The following LATS2 variants were observed in gnomAD, a reference collection of about 807,000 sequenced individuals.
LATS2 encodes the protein large tumor suppressor kinase 2.
LATS2 carries 24 observed loss-of-function variants against 76.0 expected under a neutral mutation model. The ratio of observed to expected loss-of-function variants is 0.32; its 90% CI spans 0.23 to 0.44. LATS2 has a LOEUF of 0.44. LATS2 is among the 20% of genes least tolerant of loss of function. The pLI is 1.00. For missense variants in LATS2, 1,286 were observed against 1,481.2 expected, an observed-to-expected ratio of 0.87 and a Z score of 2.16; for synonymous variants, 692 against 635.4, an observed-to-expected ratio of 1.09 and a Z score of -1.34.
intron 2 of LATS2, among the ~76,000 whole-genome samples, chr13:21,015,175 G>A (rs540559024): frequency 6.6e-6 from 1 of 152,320 alleles, no homozygotes; most frequent in East Asian, 1.9e-4. Context: ...CTATTGAAAT[G>A]AGCTATCCTG....
In LATS2 at chr13:20,983,355, T is replaced by C. The variant is rs1401299592; in HGVS notation, c.2351A>G (p.Lys784Arg). ...GATGTCTCGGTGGATGAAGCCCATC[T>C]TGTGGACACTCTCAATGGCCAAAGT... ...ELTLAIESVHKMGFIHRDIKP... is the reference protein window; with the variant it reads ...ELTLAIESVHRMGFIHRDIKP... The change falls in exon 5 of 8, where the codon AAG becomes AGG. Residue 784 changes from lysine (K) to arginine (R), a missense_variant. Transcript: ENST00000382592. 2.5e-6 allele frequency: 4 copies of C among 1,613,546 alleles called. No homozygotes were observed. The South Asian group carries it at 3.3e-5, about 13-fold the overall frequency.
chr13:21,011,656 G>T (rs573383726), intron 2 of LATS2, among the ~76,000 whole-genome samples: 166 of 152,312 alleles, frequency 1.1e-3, no homozygotes, highest in Middle Eastern at 6.8e-3. Flanking sequence ...CCTGACTCTG[G>T]AAAATATAGG....
chr13:21,049,516 G>A (rs1437288625), intron 1 of LATS2, among the ~76,000 whole-genome samples: 1 of 152,208 alleles, frequency 6.6e-6, no homozygotes, highest in Non-Finnish European at 1.5e-5. Flanking sequence ...GTGAGTGGAT[G>A]GCTGAGGCCC....
intron 2 of LATS2, among the ~76,000 whole-genome samples, chr13:21,016,656 A>G (rs1012969597): frequency 6.6e-6 from 1 of 152,076 alleles, no homozygotes; most frequent in African/African-American, 2.4e-5. Flanking sequence ...ACCCCAGCCA[A>G]CCCCCAGGAA....
intron 2 of LATS2, among the ~76,000 whole-genome samples, chr13:21,040,800 C>T (rs1332412031): frequency 6.6e-6 from 1 of 152,062 alleles, no homozygotes; most frequent in African/African-American, 2.4e-5. Flanking sequence ...GAGAGGGACC[C>T]TGATAAACTC....
rs763779658 is a variant in LATS2 at position 20,988,331 on chromosome 13, G to A, written c.1449C>T (p.Gly483=). Residue 483 remains glycine (G), a synonymous_variant, in exon 4 of 8, where the codon GGC becomes GGT. Transcript: ENST00000382592. ...PAPAPAPAAE[G]LDAKEEHALA... ...GGGCATGCTCCTCCTTGGCGTCCAA[G>A]CCCTCCGCAGCCGGGGCGGGGGCGG... The A allele has an allele frequency of 2.0e-5, 27 of 1,366,672 alleles. No individual in the cohort carries two copies. The highest frequency in any genetic ancestry group is 8.9e-5 in the African/African-American group (6 of 67,342). The allele number at this position is 1,366,672 out of a possible 1,614,324, so 84.7% of individuals were successfully genotyped here.
intron 1 of LATS2, among the ~76,000 whole-genome samples, chr13:21,059,896 C>G (rs1307737558): frequency 6.8e-6 from 1 of 146,748 alleles, no homozygotes; most frequent in Non-Finnish European, 1.5e-5. Flanking sequence ...ACCTGGGAGA[C>G]GGAGGTTGCA....
intron 4 of LATS2, among the ~76,000 whole-genome samples, chr13:20,985,050 A>G (rs1340366087): frequency 6.6e-6 from 1 of 152,196 alleles, no homozygotes; most frequent in Non-Finnish European, 1.5e-5. Flanking sequence ...ATGTACACTG[A>G]AAAAGAGACA....
At chr13:21,025,166 G>C (rs1872259834) in intron 2 of LATS2, among the ~76,000 whole-genome samples, 1 of 150,962 alleles carries the variant, frequency 6.6e-6, no homozygotes, top group Non-Finnish European at 1.5e-5. Context: ...GCTCACCTGA[G>C]GTCAGGAGCT....
chr13:20,991,131 C>G lies in LATS2; in HGVS notation c.475+141G>C, dbSNP rs1250080266. 1 of 1,087,198 alleles carries G rather than the reference C, an allele frequency of 9.2e-7. No individual in the cohort carries two copies. The highest frequency in any genetic ancestry group is 1.3e-6 in the Non-Finnish European group (1 of 741,638). 67.3% of individuals were successfully genotyped at this position (1,087,198 alleles called of 1,614,324 possible). On this transcript the variant is annotated intron_variant, in intron 3 of 7. Coordinates refer to ENST00000382592, the MANE Select transcript of LATS2 (RefSeq NM_014572.3). This position sits in a 1 kb window ranked among gnomAD's most constrained non-coding sequence, Gnocchi z 4.9. Reference sequence around the variant, plus strand: ...CTCTGTCAGGGCAGGGCAGGCTCAGCTTGCCTGTTAACTGAATGAGGCAAT... The same window carrying G: ...CTCTGTCAGGGCAGGGCAGGCTCAGGTTGCCTGTTAACTGAATGAGGCAAT...
Position 20,983,739 on chromosome 13 carries a change from T to C in LATS2, c.1967A>G (p.Asn656Ser), listed in dbSNP as rs751650182. The change falls in exon 5 of 8, where the codon AAC (asparagine) becomes AGC (serine). Residue 656 changes from asparagine (N) to serine (S), a missense_variant. This residue lies in a region of LATS2 where 247 missense variants were observed against 385.4 expected (regional missense o/e 0.64). Transcript: ENST00000382592. ...GTCCATCTTGGCCCTCTTTAACCTGTTGTAATTAGACTCTTTCTGGTAGAG... is the reference window on the plus strand; with the variant it reads ...GTCCATCTTGGCCCTCTTTAACCTGCTGTAATTAGACTCTTTCTGGTAGAG... ...KILYQKESNY[N>S]RLKRAKMDKS... The C allele has an allele frequency of 6.2e-7, 1 of 1,614,138 alleles. No homozygotes were observed. The highest frequency in any genetic ancestry group is 8.5e-7 in the Non-Finnish European group (1 of 1,180,018).
chr13:21,002,506 T>G (rs147038091), intron 2 of LATS2, among the ~76,000 whole-genome samples: 3 of 151,670 alleles, frequency 2.0e-5, no homozygotes, highest in African/African-American at 7.3e-5. Context: ...TCCAGAGTAG[T>G]TGGGACTACA....
At chr13:20,982,190 A>G (rs1213091994) in intron 5 of LATS2, among the ~76,000 whole-genome samples, 1 of 152,264 alleles carries the variant, frequency 6.6e-6, no homozygotes, top group Non-Finnish European at 1.5e-5. Flanking sequence ...TAAAGAAGAT[A>G]ATAATCAGCT....
intron 2 of LATS2, among the ~76,000 whole-genome samples, chr13:21,011,434 T>C (rs1409912296): frequency 6.6e-6 from 1 of 152,226 alleles, no homozygotes; most frequent in East Asian, 1.9e-4. Context: ...AACTGGTCAC[T>C]GTACCCACAA....
At chr13:20,986,893 T>C (rs1870168729) in intron 4 of LATS2, among the ~76,000 whole-genome samples, 1 of 152,130 alleles carries the variant, frequency 6.6e-6, no homozygotes, top group Non-Finnish European at 1.5e-5. Flanking sequence ...AAATACTATG[T>C]ATAAATAAAA....
At chr13:21,042,883 C>T (rs917357449) in intron 2 of LATS2, among the ~76,000 whole-genome samples, 2 of 151,922 alleles carry the variant, frequency 1.3e-5, no homozygotes, top group Non-Finnish European at 2.9e-5. Flanking sequence ...ACTCAGGAGG[C>T]TGAGGCAGGA....
intron 2 of LATS2, among the ~76,000 whole-genome samples, chr13:21,025,135 G>A (rs1872258379): frequency 6.6e-6 from 1 of 151,512 alleles, no homozygotes; most frequent in Admixed American, 6.6e-5. Flanking sequence ...ATAATTTATG[G>A]TCACGGGGCC....
intron 6 of LATS2, among the ~76,000 whole-genome samples, chr13:20,981,067 A>G (rs375414588): frequency 9.0e-4 from 137 of 152,346 alleles, no homozygotes; most frequent in African/African-American, 2.9e-3. Flanking sequence ...CCAGCTGCAC[A>G]CGGCACAACT....
At position 21,047,895 on chromosome 13, in the gene LATS2, T is replaced by C. The variant is rs1928269; in HGVS notation, c.-204-1665A>G. ...GCGTTTTAACTATCCCCTTTCTCAA[T>C]GTAATTGTGAGAAGATTCCATTTAG... On this transcript the variant is annotated intron_variant, in intron 1 of 7. Transcript: ENST00000382592. Among the ~76,000 whole-genome samples the C allele has an allele frequency of 6.3e-3, 952 of 152,316 alleles. 11 individuals are homozygous for C. The highest frequency in any genetic ancestry group is 0.022 in the African/African-American group (917 of 41,564).
Sources: gnomAD v4.1 joint callset for allele counts (sites outside exome capture counted in the v4.1 genomes callset) on GRCh38, gnomAD v4.1.1 for gene constraint, gnomAD v4.1.1 regional missense constraint, Gnocchi (gnomAD v3.1) non-coding constraint, MANE v1.5 for transcripts, NCBI Gene and HGNC (gene_info 2026-07-23, HGNC 2026-07-21) for gene names.